The following PPP1CB variants were observed in gnomAD, a reference collection of about 807,000 sequenced individuals.
PPP1CB encodes the protein protein phosphatase 1 catalytic subunit beta.
Under a neutral mutation model 43.7 loss-of-function variants are expected in PPP1CB, and 2 were observed. The ratio of observed to expected loss-of-function variants is 0.05; its 90% CI spans 0.02 to 0.14. The LOEUF is 0.14. PPP1CB is among the 10% of genes least tolerant of loss of function. The probability of loss-of-function intolerance (pLI) is 1.00; values close to 1 mark genes in which losing one functional copy is unlikely to be tolerated. For missense variants in PPP1CB, 84 were observed against 398.0 expected, an observed-to-expected ratio of 0.21 and a Z score of 6.71; for synonymous variants, 136 against 135.6, an observed-to-expected ratio of 1.00 and a Z score of -0.02.
intron 5 of PPP1CB, 56 bp from the exon 6 acceptor site, chr2:28,788,602 A>G: frequency 2.6e-6 from 4 of 1,545,766 alleles, no homozygotes; most frequent in East Asian, 2.3e-5. Flanking sequence ...TAGATGTGCT[A>G]TATTCTATAA....
chr2:28,771,040 T>TCCCCAC (rs1666898367), intron 1 of PPP1CB, among the ~76,000 whole-genome samples: 1 of 69,994 alleles, frequency 1.4e-5, no homozygotes, highest in African/African-American at 5.2e-5. Context: ...TATTCCCTGC[T>TCCCCAC]CCCCCCCCCC....
In PPP1CB at chr2:28,785,223, C is replaced by T. The variant is rs555483152; in HGVS notation, c.592+1245C>T. ...CCGAGTAGCTGGGACTACAGGCGCC[C>T]GCCACCACACCCGGCCAATTTTTTG... On this transcript the variant is annotated intron_variant, in intron 5 of 7. Coordinates refer to ENST00000395366, the MANE Select transcript of PPP1CB (RefSeq NM_002709.3). 3.2e-4 allele frequency among the ~76,000 whole-genome samples: 48 copies of T among 151,012 alleles called. 1 individual carries two copies. The highest frequency in any genetic ancestry group is 1.4e-3 in the East Asian group (7 of 5,016).
intron 6 of PPP1CB, among the ~76,000 whole-genome samples, chr2:28,792,289 G>A (rs940303392): frequency 2.6e-5 from 4 of 151,310 alleles, no homozygotes; most frequent in East Asian, 2.0e-4. Context: ...GCCGTGAGCC[G>A]AGATCGCGCC....
chr2:28,785,065 C>CTTGTTTTTTTTTTTTT (rs1667234160), intron 5 of PPP1CB, among the ~76,000 whole-genome samples: 1 of 55,000 alleles, frequency 1.8e-5, no homozygotes, highest in Non-Finnish European at 3.5e-5. Context: ...GTGTTAGGAG[C>CTTGTTTTTTTTTTTTT]TTTTTTTTTT....
At chr2:28,798,159 TG>T (rs1389292028) in intron 7 of PPP1CB, among the ~76,000 whole-genome samples, 1 of 152,160 alleles carries the variant, frequency 6.6e-6, no homozygotes, top group Non-Finnish European at 1.5e-5. Flanking sequence ...ATTTCTATAC[TG>T]TTTTAGTTTT....
chr2:28,763,571 T>C (rs1666708089), intron 1 of PPP1CB, among the ~76,000 whole-genome samples: 1 of 152,212 alleles, frequency 6.6e-6, no homozygotes, highest in Non-Finnish European at 1.5e-5. Context: ...GAAATGACTT[T>C]TTACTTATGC....
At chr2:28,757,860 A>G (rs144182630) in intron 1 of PPP1CB, among the ~76,000 whole-genome samples, 1 of 152,118 alleles carries the variant, frequency 6.6e-6, no homozygotes, top group African/African-American at 2.4e-5. Context: ...ATCTAAATCC[A>G]AGATGAAGAT....
chr2:28,771,040 T>TCCCCCCCCC (rs58673755), intron 1 of PPP1CB, among the ~76,000 whole-genome samples: 1 of 69,994 alleles, frequency 1.4e-5, no homozygotes, highest in Admixed American at 2.1e-4. Context: ...TATTCCCTGC[T>TCCCCCCCCC]CCCCCCCCCC....
intron 4 of PPP1CB, 150 bp from the exon 5 acceptor site, chr2:28,783,757 G>T: frequency 4.2e-6 from 2 of 475,044 alleles, no homozygotes; most frequent in Non-Finnish European, 7.4e-6. Context: ...ATTCTGTCTC[G>T]AAAAAAAAAA....
At chr2:28,784,041 A>G in intron 5 of PPP1CB, 63 bp downstream of exon 5, 1 of 1,268,372 alleles carries the variant, frequency 7.9e-7, no homozygotes, top group Non-Finnish European at 1.1e-6. Flanking sequence ...ACTTGATTAC[A>G]TTTAGTGGAA....
At position 28,801,166 on chromosome 2, in the gene PPP1CB, A is replaced by ATG. The variant is rs1446206723; in HGVS notation, c.*1865_*1866dup. 1.3e-5 allele frequency: 2 copies of ATG among 152,006 alleles called. No individual in the cohort carries two copies. Among genetic ancestry groups the ATG allele is most frequent in the Non-Finnish European group, 2.9e-5 (2 of 67,936 alleles). 9.4% of individuals were successfully genotyped at this position (152,006 alleles called of 1,614,324 possible). On this transcript the variant is annotated 3_prime_UTR_variant, in exon 8 of 8. Transcript: ENST00000395366. ...TGAAAGTATTCATGATCTGCATATG[A>ATG]TGTATTAGGTTAGGTCACAAAGGTT...
chr2:28,784,585 A>G (rs1446501717), intron 5 of PPP1CB, among the ~76,000 whole-genome samples: 1 of 152,092 alleles, frequency 6.6e-6, no homozygotes, highest in African/African-American at 2.4e-5. Context: ...TTAAGGCTCT[A>G]GAGACCTGTG....
chr2:28,752,318 G>A, intron 1 of PPP1CB, 142 bp downstream of exon 1: 5 of 820,066 alleles, frequency 6.1e-6, no homozygotes, highest in Non-Finnish European at 7.3e-6. Context: ...CGGACGAACC[G>A]AGGAGGGGGC....
intron 1 of PPP1CB, among the ~76,000 whole-genome samples, chr2:28,763,912 G>A (rs1210217724): frequency 7.3e-6 from 1 of 136,594 alleles, no homozygotes; most frequent in African/African-American, 2.5e-5. Flanking sequence ...CAGCATGTTG[G>A]TCAGGCTGGT....
chr2:28,753,790 A>G (rs1175990467), intron 1 of PPP1CB, among the ~76,000 whole-genome samples: 3 of 151,878 alleles, frequency 2.0e-5, no homozygotes, highest in Non-Finnish European at 2.9e-5. Flanking sequence ...CTGGAGTGCA[A>G]TGGCACGGTC....
At chr2:28,770,372 G>GT (rs1666876924) in intron 1 of PPP1CB, among the ~76,000 whole-genome samples, 3 of 29,288 alleles carry the variant, frequency 1.0e-4, no homozygotes, top group East Asian at 2.4e-3. Context: ...AAATGAGGAA[G>GT]TAAAAAAAAG....
chr2:28,769,888 G>A (rs530157057), intron 1 of PPP1CB, among the ~76,000 whole-genome samples: 8 of 152,088 alleles, frequency 5.3e-5, no homozygotes, highest in Non-Finnish European at 8.8e-5. Flanking sequence ...AAAGAGAGAG[G>A]AATGAAGAAC....
chr2:28,780,065 TTTTTC>T (rs1365189973), intron 3 of PPP1CB, among the ~76,000 whole-genome samples: 3 of 150,168 alleles, frequency 2.0e-5, no homozygotes, highest in African/African-American at 7.5e-5. Context: ...TCTTTTTTCT[TTTTTC>T]TTTTCTTTTC....
At chr2:28,791,843 TTTG>T (rs1347598522) in intron 6 of PPP1CB, among the ~76,000 whole-genome samples, 5 of 152,210 alleles carry the variant, frequency 3.3e-5, no homozygotes, top group Non-Finnish European at 7.3e-5. Context: ...TGCATGGTCT[TTTG>T]TTTTCCAGAA....
Sources: allele counts gnomAD v4.1 joint callset (sites outside exome capture counted in the v4.1 genomes callset), GRCh38; gene constraint gnomAD v4.1.1; transcripts MANE v1.5; gene names NCBI Gene and HGNC (gene_info 2026-07-23, HGNC 2026-07-21).